DRAM1: variants seen among roughly 807,000 people sequenced by gnomAD.
DRAM1 encodes the protein DNA damage-regulated autophagy modulator protein 1.
DRAM1 carries 25 observed loss-of-function variants against 28.5 expected under a neutral mutation model. The ratio of observed to expected loss-of-function variants is 0.88; its 90% CI spans 0.64 to 1.23. The LOEUF (loss-of-function observed/expected upper bound fraction) is 1.23, where lower values mean the gene tolerates loss of function less well. DRAM1 is among the 50% of genes most tolerant of loss of function. The probability of loss-of-function intolerance (pLI) is 0.00; values close to 1 mark genes in which losing one functional copy is unlikely to be tolerated. For missense variants in DRAM1, 249 were observed against 299.2 expected, an observed-to-expected ratio of 0.83 and a Z score of 1.24; for synonymous variants, 113 against 114.2, an observed-to-expected ratio of 0.99 and a Z score of 0.07.
intron 1 of DRAM1, among the ~76,000 whole-genome samples, chr12:101,893,375 T>C (rs192188631): frequency 1.3e-5 from 2 of 152,322 alleles, no homozygotes; most frequent in East Asian, 1.9e-4. Flanking sequence ...TTTAACGTGT[T>C]GAGAGTATTT....
chr12:101,914,181 C>G lies in DRAM1; in HGVS notation c.528C>G (p.Val176=), dbSNP rs1191519916. ...ACTGTTTACTTCTTTCAGTGATTGT[C>G]TGTGCTTCACTAATTTCCATAACCA... ...VSCAAVIPMI[V]CASLISITKL... The change falls in exon 5 of 7, where the codon GTC becomes GTG. Residue 176 remains valine (V), a synonymous_variant. Transcript: ENST00000258534. The G allele has an allele frequency of 1.2e-6, 2 of 1,607,604 alleles. No individual in the cohort carries two copies. The highest frequency in any genetic ancestry group is 1.3e-5 in the African/African-American group (1 of 74,782).
chr12:101,906,205 A>G lies in DRAM1; in HGVS notation c.343-1981A>G, dbSNP rs12319018. On this transcript the variant is annotated intron_variant, in intron 3 of 6. Transcript: ENST00000258534. The stretch of plus-strand genomic sequence containing the variant: ...TTCTCCCCTTATTTCTAGGTTTGAT[A>G]CTAGGAAATACATTTCCTTAGAAAT... Among the ~76,000 whole-genome samples the G allele has an allele frequency of 3.9e-3, 595 of 152,348 alleles. 3 individuals carry two copies. Among genetic ancestry groups the G allele is most frequent in the African/African-American group, 0.014 (565 of 41,576 alleles).
chr12:101,916,108 C>T (rs140054366), intron 5 of DRAM1, among the ~76,000 whole-genome samples: 1,856 of 152,224 alleles, frequency 0.012, 15 homozygotes, highest in Non-Finnish European at 0.019. Flanking sequence ...GAATTTATTC[C>T]CTTGACCAGA....
chr12:101,907,686 C>T (rs1282505889), intron 3 of DRAM1, among the ~76,000 whole-genome samples: 1 of 152,166 alleles, frequency 6.6e-6, no homozygotes, highest in African/African-American at 2.4e-5. Context: ...TTGCAGTGAG[C>T]CGAGTTCATG....
chr12:101,902,133 T>A (rs2121102682), intron 3 of DRAM1, among the ~76,000 whole-genome samples: 1 of 152,322 alleles, frequency 6.6e-6, no homozygotes, highest in East Asian at 1.9e-4. Context: ...CCCGGTGACA[T>A]TTCTTTATAT....
chr12:101,922,396 TTC>T lies in DRAM1; in HGVS notation c.*1142_*1143del, dbSNP rs1488098993. On this transcript the variant is annotated 3_prime_UTR_variant, in exon 7 of 7. Coordinates refer to ENST00000258534, the MANE Select transcript of DRAM1 (RefSeq NM_018370.3). ...AGGCTTGAAAGGTGAAGAGCAGGAA[TTC>T]TCTCTTTCAAATCCTAGAGCATAAA... The T allele has an allele frequency of 2.0e-5, 3 of 152,254 alleles. No individual in the cohort carries two copies. Among genetic ancestry groups the T allele is most frequent in the Non-Finnish European group, 4.4e-5 (3 of 68,046 alleles). The allele number at this position is 152,254 out of a possible 1,614,324, so 9.4% of individuals were successfully genotyped here.
chr12:101,907,175 A>C (rs1873847391), intron 3 of DRAM1, among the ~76,000 whole-genome samples: 1 of 142,916 alleles, frequency 7.0e-6, no homozygotes, highest in Admixed American at 7.1e-5. Flanking sequence ...ACTCCCACCT[A>C]AGCGACGGAG....
chr12:101,908,452 C>G (rs986366869), intron 4 of DRAM1, 89 bp downstream of exon 4: 1 of 1,330,250 alleles, frequency 7.5e-7, no homozygotes, highest in East Asian at 2.3e-5. Flanking sequence ...TTATAGGGAC[C>G]GCTGCAATGA....
chr12:101,888,854 G>A (rs545595361), intron 1 of DRAM1, among the ~76,000 whole-genome samples: 1 of 133,130 alleles, frequency 7.5e-6, no homozygotes, highest in African/African-American at 3.1e-5. Context: ...GCCCAGACTG[G>A]ATTGCAGTGG....
chr12:101,922,106 T>C lies in DRAM1; in HGVS notation c.*846T>C, dbSNP rs978414352. 3.3e-5 allele frequency: 5 copies of C among 152,178 alleles called. No individual in the cohort carries two copies. The highest frequency in any genetic ancestry group is 7.4e-5 in the Non-Finnish European group (5 of 68,022). The allele number at this position is 152,178 out of a possible 1,614,324, so 9.4% of individuals were successfully genotyped here. The stretch of plus-strand genomic sequence containing the variant: ...CAAATTCATTTCATGCCAGTAAATG[T>C]GGCAAAGAGAAGAAAGGCCCAAGAG... On this transcript the variant is annotated 3_prime_UTR_variant, in exon 7 of 7. Transcript: ENST00000258534.
intron 3 of DRAM1, among the ~76,000 whole-genome samples, chr12:101,905,714 G>A (rs112704698): frequency 2.6e-5 from 4 of 151,716 alleles, no homozygotes; most frequent in African/African-American, 4.8e-5. Context: ...CTCAGCCTCC[G>A]AAGTAGCTGG....
At chr12:101,896,890 T>G (rs1873394268) in intron 1 of DRAM1, among the ~76,000 whole-genome samples, 1 of 150,464 alleles carries the variant, frequency 6.6e-6, no homozygotes, top group East Asian at 2.0e-4. Context: ...TGGGTTCAAG[T>G]GATTCTCCTG....
chr12:101,892,412 T>A (rs1407837118), intron 1 of DRAM1, among the ~76,000 whole-genome samples: 1 of 74,020 alleles, frequency 1.4e-5, no homozygotes, highest in African/African-American at 1.0e-4. Context: ...ATTTTTTTTT[T>A]TTTTTTTTTT....
intron 1 of DRAM1, among the ~76,000 whole-genome samples, chr12:101,897,540 T>C (rs982764912): frequency 1.3e-5 from 2 of 152,104 alleles, no homozygotes; most frequent in African/African-American, 2.4e-5. Context: ...GTTTTTGTTT[T>C]TCTTTTTCAA....
At chr12:101,916,346 C>G (rs777966313) in intron 5 of DRAM1, among the ~76,000 whole-genome samples, 4 of 152,120 alleles carry the variant, frequency 2.6e-5, no homozygotes, top group Admixed American at 2.0e-4. Context: ...GATCCTGCCT[C>G]TACAAAAATT....
intron 1 of DRAM1, among the ~76,000 whole-genome samples, chr12:101,879,733 C>T (rs143622002): frequency 0.013 from 1,957 of 152,248 alleles, 43 homozygotes; most frequent in African/African-American, 0.045. Context: ...CAGTGGCTCA[C>T]GCCTGTAATC....
At chr12:101,908,988 G>A (rs950937252) in intron 4 of DRAM1, among the ~76,000 whole-genome samples, 15 of 151,484 alleles carry the variant, frequency 9.9e-5, no homozygotes, top group African/African-American at 2.9e-4. Flanking sequence ...CAAGCTGGGC[G>A]TAGTGGCTCA....
At chr12:101,888,064 A>G (rs1261280317) in intron 1 of DRAM1, among the ~76,000 whole-genome samples, 3 of 152,198 alleles carry the variant, frequency 2.0e-5, no homozygotes, top group Non-Finnish European at 4.4e-5. Context: ...TAGTATTTCT[A>G]ATCTACAGTG....
intron 3 of DRAM1, 71 bp from the exon 4 acceptor site, chr12:101,908,115 A>G: frequency 7.3e-7 from 1 of 1,361,482 alleles, no homozygotes; most frequent in Non-Finnish European, 1.0e-6. Context: ...AGCAGCCCAG[A>G]GTGAGAGTGC....
Sources: gnomAD v4.1 joint callset for allele counts (sites outside exome capture counted in the v4.1 genomes callset) on GRCh38, gnomAD v4.1.1 for gene constraint, MANE v1.5 for transcripts, NCBI Gene and HGNC (gene_info 2026-07-23, HGNC 2026-07-21) for gene names.